TANGO6: variants seen among roughly 807,000 people sequenced by gnomAD.
The protein encoded by TANGO6 is transport and golgi organization 6 homolog, also known as transport and Golgi organization protein 6 homolog.
A neutral mutation model predicts 114.2 loss-of-function variants in TANGO6; 90 were observed. The observed-to-expected ratio is 0.79, with a 90% CI of 0.66 to 0.94. The LOEUF (loss-of-function observed/expected upper bound fraction) is 0.94. TANGO6 is among the 40% of genes least tolerant of loss of function. The pLI, the probability that TANGO6 is intolerant of heterozygous loss-of-function variation, is 0.00. For missense variants in TANGO6, 1,274 were observed against 1,315.3 expected (o/e 0.97, Z 0.49); for synonymous variants, 477 against 509.8 (o/e 0.94, Z 0.87).
chr16:69,022,627 C>T (rs965583266), intron 15 of TANGO6, among the ~76,000 whole-genome samples: 1 of 151,906 alleles, frequency 6.6e-6, no homozygotes, highest in Non-Finnish European at 1.5e-5. Flanking sequence ...TCACCAGAGC[C>T]TGGGAGGTCA....
At chr16:68,894,896 C>T (rs534216382) in intron 7 of TANGO6, among the ~76,000 whole-genome samples, 27 of 152,128 alleles carry the variant, frequency 1.8e-4, no homozygotes, top group Admixed American at 1.5e-3. Flanking sequence ...TTCTAACCTC[C>T]GAGTCCCTGG....
chr16:69,042,220 C>T (rs1959784191), intron 17 of TANGO6, among the ~76,000 whole-genome samples: 1 of 152,128 alleles, frequency 6.6e-6, no homozygotes, highest in Non-Finnish European at 1.5e-5. Context: ...AATAGTGACA[C>T]AAAGGAATAT....
intron 17 of TANGO6, among the ~76,000 whole-genome samples, chr16:69,050,580 C>T (rs1319086438): frequency 6.6e-6 from 1 of 151,770 alleles, no homozygotes; most frequent in Non-Finnish European, 1.5e-5. Flanking sequence ...ACCTCCGCCT[C>T]CCGGGTTCAA....
chr16:68,860,670 TGGG>T (rs1040888173), intron 2 of TANGO6, 146 bp downstream of exon 2: 1 of 1,121,536 alleles, frequency 8.9e-7, no homozygotes, highest in African/African-American at 1.6e-5. Flanking sequence ...ATGAATCTTT[TGGG>T]GGTGGGCGCA....
intron 1 of TANGO6, among the ~76,000 whole-genome samples, chr16:68,858,065 ATTT>A (rs369292829): frequency 2.1e-5 from 3 of 143,610 alleles, no homozygotes; most frequent in Non-Finnish European, 1.5e-5. Context: ...CTCTCGGAAG[ATTT>A]TTTTTTTTTT....
At chr16:69,022,421 T>C (rs1042784891) in intron 15 of TANGO6, among the ~76,000 whole-genome samples, 19 of 152,184 alleles carry the variant, frequency 1.2e-4, no homozygotes, top group African/African-American at 4.6e-4. Flanking sequence ...AATAAGACAT[T>C]GGTCATGTAC....
chr16:68,962,738 G>T (rs1193156452), intron 14 of TANGO6, among the ~76,000 whole-genome samples: 1 of 151,690 alleles, frequency 6.6e-6, no homozygotes, highest in South Asian at 2.1e-4. Flanking sequence ...ACCAGCCTGG[G>T]CAACAAGAGC....
At chr16:68,845,841 A>ATTTTGTT (rs780479338) in intron 1 of TANGO6, among the ~76,000 whole-genome samples, 17 of 151,000 alleles carry the variant, frequency 1.1e-4, no homozygotes, top group Non-Finnish European at 2.2e-4. Flanking sequence ...GTAAGACCCT[A>ATTTTGTT]TTTTGTTTTT....
chr16:68,936,582 G>T (rs764706712), intron 14 of TANGO6, among the ~76,000 whole-genome samples: 3 of 152,224 alleles, frequency 2.0e-5, no homozygotes, highest in Admixed American at 6.5e-5. Context: ...TGATCCACCC[G>T]CCTCAGACTC....
intron 7 of TANGO6, among the ~76,000 whole-genome samples, chr16:68,890,406 C>T (rs1253563712): frequency 2.0e-5 from 3 of 152,262 alleles, no homozygotes; most frequent in Admixed American, 1.3e-4. Flanking sequence ...AGACTGAGAG[C>T]GACTGAAATG....
At chr16:68,996,513 G>T (rs749900874) in intron 15 of TANGO6, among the ~76,000 whole-genome samples, 1 of 152,096 alleles carries the variant, frequency 6.6e-6, no homozygotes, top group Admixed American at 6.6e-5. Flanking sequence ...CAAAAAAGGG[G>T]CACATGAACA....
intron 15 of TANGO6, among the ~76,000 whole-genome samples, chr16:69,018,706 A>T (rs958837378): frequency 2.0e-5 from 3 of 151,556 alleles, no homozygotes; most frequent in Admixed American, 6.6e-5. Flanking sequence ...GCGGATCACG[A>T]GGTCAGGAGA....
At chr16:68,990,182 A>C (rs1214167595) in intron 15 of TANGO6, among the ~76,000 whole-genome samples, 1 of 151,764 alleles carries the variant, frequency 6.6e-6, no homozygotes, top group African/African-American at 2.4e-5. Flanking sequence ...ACAGGCATGC[A>C]CCATTACACC....
intron 1 of TANGO6, among the ~76,000 whole-genome samples, chr16:68,846,108 C>T (rs538476725): frequency 5.9e-5 from 9 of 152,222 alleles, no homozygotes; most frequent in Non-Finnish European, 8.8e-5. Flanking sequence ...TCACTGCAAC[C>T]TCCACCTCCC....
chr16:68,900,693 G>T (rs1310704621), intron 8 of TANGO6, 147 bp downstream of exon 8: 9 of 714,776 alleles, frequency 1.3e-5, no homozygotes, highest in African/African-American at 1.8e-5. Context: ...TTCCTATTTT[G>T]CTCATCTAGA....
intron 17 of TANGO6, among the ~76,000 whole-genome samples, chr16:69,063,441 C>T (rs1011760634): frequency 2.0e-5 from 3 of 151,532 alleles, no homozygotes; most frequent in Admixed American, 6.6e-5. Flanking sequence ...AGGAGAATGG[C>T]GTGAACCCCG....
intron 7 of TANGO6, among the ~76,000 whole-genome samples, chr16:68,898,205 C>T (rs899952389): frequency 2.6e-5 from 4 of 152,096 alleles, no homozygotes; most frequent in African/African-American, 9.7e-5. Flanking sequence ...TACATGACTT[C>T]TGAACGCTGC....
intron 14 of TANGO6, 142 bp from the exon 15 acceptor site, chr16:68,973,886 C>T: frequency 2.1e-6 from 2 of 954,652 alleles, no homozygotes; most frequent in Non-Finnish European, 3.1e-6. Context: ...TGCTGACTCT[C>T]CAAACAATAG....
At chr16:69,060,850 G>A (rs1960103733) in intron 17 of TANGO6, among the ~76,000 whole-genome samples, 1 of 151,476 alleles carries the variant, frequency 6.6e-6, no homozygotes, top group African/African-American at 2.4e-5. Context: ...AAATTAGCTG[G>A]GCGTGGTGGC....
Sources: allele counts gnomAD v4.1 joint callset (sites outside exome capture counted in the v4.1 genomes callset), GRCh38; gene constraint gnomAD v4.1.1; transcripts MANE v1.5; gene names NCBI Gene and HGNC (gene_info 2026-07-23, HGNC 2026-07-21).